PCIF1: variants seen among roughly 807,000 people sequenced by gnomAD.
PCIF1 encodes the protein phosphorylated CTD interacting factor 1.
Under a neutral mutation model 86.9 loss-of-function variants are expected in PCIF1, and 12 were observed. The observed-to-expected ratio is 0.14, with a 90% CI of 0.09 to 0.22. PCIF1 has a LOEUF of 0.22. PCIF1 is among the 10% of genes least tolerant of loss of function. The pLI, the probability that PCIF1 is intolerant of heterozygous loss-of-function variation, is 1.00. For synonymous variants in PCIF1, 397 were observed against 372.0 expected, an observed-to-expected ratio of 1.07 and a Z score of -0.77; for missense variants, 701 against 951.1, an observed-to-expected ratio of 0.74 and a Z score of 3.46.
chr20:45,936,803 C>T (rs1362384628), intron 1 of PCIF1, among the ~76,000 whole-genome samples: 2 of 152,116 alleles, frequency 1.3e-5, no homozygotes, highest in Non-Finnish European at 2.9e-5. Context: ...GTGACTCATG[C>T]CTGTAATCCC....
intron 1 of PCIF1, among the ~76,000 whole-genome samples, chr20:45,935,391 G>C (rs56324610): frequency 0.28 from 43,065 of 152,124 alleles, 6,494 homozygotes; most frequent in Non-Finnish European, 0.34. Context: ...TGCGCAGATA[G>C]AGTTGTTTAT....
At position 45,945,808 on chromosome 20, in the gene PCIF1, C is replaced by A. The variant is rs1184330769; in HGVS notation, c.1266C>A (p.His422Gln). The A allele has an allele frequency of 1.9e-5, 31 of 1,613,904 alleles. No individual in the cohort carries two copies. Among genetic ancestry groups the A allele is most frequent in the Non-Finnish European group, 2.6e-5 (31 of 1,180,042 alleles). ...CGCCCATGCCCAGCGTGGAGATGCACATGGAGAACAACGTGGTCTGCATCC... is the reference window on the plus strand; with the variant it reads ...CGCCCATGCCCAGCGTGGAGATGCAAATGGAGAACAACGTGGTCTGCATCC... The part of the protein sequence containing the change: ...SAPPMPSVEM[H>Q]MENNVVCIRY... Residue 422 changes from histidine to glutamine, a missense_variant, in exon 12 of 17, where the codon CAC (histidine) becomes CAA (glutamine). Physicochemically the swap from His to Gln is conservative, Grantham distance 24. Transcript: ENST00000372409.
At position 45,940,922 on chromosome 20, in the gene PCIF1, T is replaced by C. The variant is rs1463169707; in HGVS notation, c.501T>C (p.Ala167=). 2.5e-6 allele frequency: 4 copies of C among 1,614,066 alleles called. No homozygotes were observed. Among genetic ancestry groups the C allele is most frequent in the Non-Finnish European group, 2.5e-6 (3 of 1,180,010 alleles). The part of the protein sequence containing the change: ...GTSPEDKQQA[A]LLRPTEVYWD... ...CCCCTGAAGATAAACAGCAGGCAGC[T>C]CTCCTACGACCCACTGAGTGAGTCC... The change falls in exon 6 of 17, where the codon GCT becomes GCC. Residue 167 remains alanine, a synonymous_variant. Transcript: ENST00000372409.
chr20:45,938,567 AG>A (rs2083444551), intron 2 of PCIF1, among the ~76,000 whole-genome samples: 2 of 152,226 alleles, frequency 1.3e-5, no homozygotes, highest in African/African-American at 4.8e-5. Flanking sequence ...AATTGGACGC[AG>A]TTCCTATTTC....
At chr20:45,940,738 G>A (rs2083462527) in intron 5 of PCIF1, 71 bp from the exon 6 acceptor site, 4 of 1,587,786 alleles carry the variant, frequency 2.5e-6, no homozygotes, top group Admixed American at 3.5e-5. Flanking sequence ...AGTTCACCAG[G>A]TGTGCACTGT....
chr20:45,934,725 G>C lies in PCIF1; in HGVS notation c.-267G>C. On this transcript the variant is annotated 5_prime_UTR_variant, in exon 1 of 17. Coordinates refer to ENST00000372409, the MANE Select transcript of PCIF1 (RefSeq NM_022104.4). ...GACACAAGATGGCGGCAGCGGCGCTGGGGAGGGCGAGGCGGAGGCGGCAAA... is the reference window on the plus strand; with the variant it reads ...GACACAAGATGGCGGCAGCGGCGCTCGGGAGGGCGAGGCGGAGGCGGCAAA... 1 of 398,982 alleles carries C rather than the reference G, an allele frequency of 2.5e-6. No homozygotes were observed. The highest frequency in any genetic ancestry group is 4.4e-6 in the Non-Finnish European group (1 of 226,086). 24.7% of individuals were successfully genotyped at this position (398,982 alleles called of 1,614,324 possible). A position where few individuals can be genotyped will look rare whatever the true frequency, so the allele number is the denominator to read the frequency against.
chr20:45,943,299 A>G lies in PCIF1; in HGVS notation c.822-41A>G, dbSNP rs1228693449. 1.9e-6 allele frequency: 3 copies of G among 1,613,828 alleles called. No homozygotes were observed. The highest frequency in any genetic ancestry group is 2.5e-6 in the Non-Finnish European group (3 of 1,179,802). ...GGCCATTTGGTTTCTGTGCCCAGTCATGTATAGAAGGCCTCTAACTCTGCC... is the reference window on the plus strand; with the variant it reads ...GGCCATTTGGTTTCTGTGCCCAGTCGTGTATAGAAGGCCTCTAACTCTGCC... On this transcript the variant is annotated intron_variant, in intron 8 of 16. Transcript: ENST00000372409. The surrounding 1 kb of genome is among the most constrained non-coding windows in gnomAD (Gnocchi z 5.5).
intron 2 of PCIF1, chr20:45,937,988 G>A (rs1381363899): frequency 2.5e-5 from 4 of 158,950 alleles, no homozygotes; most frequent in African/African-American, 9.6e-5. Flanking sequence ...GTTTAAGCCT[G>A]CCTTTGTGGT....
rs781006842 is a variant in PCIF1 at position 45,939,358 on chromosome 20, T to TG, written c.249+26dup. Reference sequence around the variant, plus strand: ...TGTGATTGTGAGTGCCAGCCTAGGGTGGGGGGGTCTCAGAGTGGCCTCTGG... The same window carrying TG: ...TGTGATTGTGAGTGCCAGCCTAGGGTGGGGGGGGTCTCAGAGTGGCCTCTGG... On this transcript the variant is annotated intron_variant, in intron 4 of 16. Transcript: ENST00000372409. 9.3e-5 allele frequency: 150 copies of TG among 1,612,188 alleles called. No homozygotes were observed. Among genetic ancestry groups the TG allele is most frequent in the African/African-American group, 8.4e-4 (63 of 74,856 alleles).
At chr20:45,942,995 G>A (rs1009638571) in intron 7 of PCIF1, 102 bp from the exon 8 acceptor site, 4 of 1,223,064 alleles carry the variant, frequency 3.3e-6, no homozygotes, top group Non-Finnish European at 4.5e-6. Context: ...AAGTGGGACT[G>A]TGTCTTGCTT....
Position 45,946,041 on chromosome 20 carries a change from C to T in PCIF1, c.1354C>T (p.Arg452Cys), listed in dbSNP as rs775486529. The T allele has an allele frequency of 7.4e-6, 12 of 1,614,158 alleles. No homozygotes were observed. Among genetic ancestry groups the T allele is most frequent in the Admixed American group, 1.7e-5 (1 of 60,030 alleles). The change falls in exon 13 of 17, where the codon CGC (arginine) becomes TGC (cysteine). Residue 452 changes from arginine (R) to cysteine (C), a missense_variant. Physicochemically the swap from Arg to Cys is radical, Grantham distance 180. This residue lies in a region of PCIF1 where 121 missense variants were observed against 131.7 expected (regional missense o/e 0.92). Coordinates refer to ENST00000372409, the MANE Select transcript of PCIF1 (RefSeq NM_022104.4). ...TCCCGCTCCACAGTGGCTCCTTTAC[C>T]GCTACAGCTGCATTGATGACTCTGC... The part of the protein sequence containing the change: ...NYFSKLWLLY[R>C]YSCIDDSAFE...
intron 14 of PCIF1, 119 bp from the exon 15 acceptor site, chr20:45,946,954 T>C (rs1209341072): frequency 2.6e-6 from 2 of 771,640 alleles, no homozygotes; most frequent in Non-Finnish European, 2.2e-6. Context: ...TTAGGGTGAA[T>C]GCTGGCTTCT....
intron 1 of PCIF1, among the ~76,000 whole-genome samples, chr20:45,935,137 G>A (rs1424153626): frequency 1.7e-4 from 26 of 150,610 alleles, no homozygotes; most frequent in Admixed American, 3.3e-4. Context: ...GAGATGGGCC[G>A]GCGCGCGCGC....
intron 4 of PCIF1, among the ~76,000 whole-genome samples, chr20:45,939,769 T>C (rs533433999): frequency 6.6e-6 from 1 of 151,804 alleles, no homozygotes; most frequent in African/African-American, 2.4e-5. Context: ...AGTGAGTGAG[T>C]GTGGGGAGGA....
intron 1 of PCIF1, among the ~76,000 whole-genome samples, chr20:45,936,103 G>A (rs539628114): frequency 6.6e-6 from 1 of 152,278 alleles, no homozygotes; most frequent in Admixed American, 6.5e-5. Flanking sequence ...TTGGGATTGT[G>A]CCCCCACAGA....
intron 10 of PCIF1, among the ~76,000 whole-genome samples, chr20:45,944,634 G>A (rs2083504596): frequency 6.6e-6 from 1 of 152,236 alleles, no homozygotes; most frequent in South Asian, 2.1e-4. Flanking sequence ...GCCCTTAAGG[G>A]AAATGATCAC....
In PCIF1 at chr20:45,934,755, G is replaced by T. The variant is rs999110426; in HGVS notation, c.-237G>T. On this transcript the variant is annotated 5_prime_UTR_variant, in exon 1 of 17. Coordinates refer to ENST00000372409, the MANE Select transcript of PCIF1 (RefSeq NM_022104.4). The stretch of plus-strand genomic sequence containing the variant: ...GGGCGAGGCGGAGGCGGCAAAACGG[G>T]CGGTCGAGCAGAACGTGTAGCCGCG... 19 of 398,718 alleles carry T rather than the reference G, an allele frequency of 4.8e-5. No individual in the cohort carries two copies. The highest frequency in any genetic ancestry group is 8.0e-5 in the Non-Finnish European group (18 of 226,126). 24.7% of individuals were successfully genotyped at this position (398,718 alleles called of 1,614,324 possible).
At chr20:45,942,788 T>TTTTTTTTTC (rs745379436) in intron 7 of PCIF1, among the ~76,000 whole-genome samples, 1 of 140,706 alleles carries the variant, frequency 7.1e-6, no homozygotes, top group Non-Finnish European at 1.6e-5. Flanking sequence ...TTTTTTTTTT[T>TTTTTTTTTC]TTTTTGTAGA....
In PCIF1 at chr20:45,943,068, A is replaced by G. The variant is rs561638877; in HGVS notation, c.674-29A>G. The G allele has an allele frequency of 6.2e-7, 1 of 1,607,768 alleles. No homozygotes were observed. The highest frequency in any genetic ancestry group is 1.1e-5 in the South Asian group (1 of 90,602). ...CAAGTGGGACTGCTTGATTAAATCC[A>G]GGCCTTCAGCAGCTCTCCTGTCCTG... is the stretch of plus-strand genomic sequence containing the variant. On this transcript the variant is annotated intron_variant, in intron 7 of 16. Coordinates refer to ENST00000372409, the MANE Select transcript of PCIF1 (RefSeq NM_022104.4). The surrounding 1 kb of genome is among the most constrained non-coding windows in gnomAD (Gnocchi z 5.5).
Sources: allele counts gnomAD v4.1 joint callset (sites outside exome capture counted in the v4.1 genomes callset), GRCh38; gene constraint gnomAD v4.1.1; regional missense constraint gnomAD v4.1.1; non-coding constraint Gnocchi (gnomAD v3.1); transcripts MANE v1.5; gene names NCBI Gene and HGNC (gene_info 2026-07-23, HGNC 2026-07-21).